Variants in CIT observed in about 807,000 individuals in gnomAD.
CIT encodes citron rho-interacting serine/threonine kinase.
CIT carries 79 observed loss-of-function variants against 272.7 expected under a neutral mutation model. That is an observed-to-expected ratio of 0.29 (90% CI 0.24 to 0.35). CIT has a LOEUF of 0.35. CIT is among the 10% of genes least tolerant of loss of function. The probability of loss-of-function intolerance (pLI) is 1.00; values close to 1 mark genes in which losing one functional copy is unlikely to be tolerated. For synonymous variants in CIT, 948 were observed against 995.6 expected (o/e 0.95, Z 0.90); for missense variants, 1,909 against 2,618.3 (o/e 0.73, Z 5.91).
intron 9 of CIT, among the ~76,000 whole-genome samples, chr12:119,822,261 A>G (rs1967785014): frequency 1.3e-5 from 2 of 152,260 alleles, no homozygotes; most frequent in Admixed American, 1.3e-4. Flanking sequence ...GTTTTTAATG[A>G]ATTCATTCAG....
Position 119,710,775 on chromosome 12 carries a change from G to C in CIT, c.4855-155C>G. ...ATGCTCTTAGCTCAGCCCGTATTTT[G>C]ATCTGAGCTCCAAATGCAAAATGCG... On this transcript the variant is annotated intron_variant, in intron 37 of 47. Coordinates refer to ENST00000392521, the MANE Select transcript of CIT (RefSeq NM_001206999.2). The surrounding 1 kb of genome is among the most constrained non-coding windows in gnomAD (Gnocchi z 5.6). The C allele has an allele frequency of 1.3e-6, 1 of 746,888 alleles. No individual in the cohort carries two copies. The highest frequency in any genetic ancestry group is 2.2e-6 in the Non-Finnish European group (1 of 452,780). The allele number at this position is 746,888 out of a possible 1,614,324, so 46.3% of individuals were successfully genotyped here.
intron 16 of CIT, among the ~76,000 whole-genome samples, chr12:119,773,881 C>A (rs1212070081): frequency 6.6e-6 from 1 of 152,146 alleles, no homozygotes; most frequent in African/African-American, 2.4e-5. Flanking sequence ...GCCATGAGAG[C>A]TTTCATTAGA....
intron 16 of CIT, 57 bp from the exon 17 acceptor site, chr12:119,772,967 G>A: frequency 1.3e-6 from 2 of 1,524,560 alleles, no homozygotes; most frequent in East Asian, 2.3e-5. Flanking sequence ...ATAAAAAGAT[G>A]GTGACAGTAT....
At chr12:119,711,649 CCCCATT>C (rs796239304) in intron 37 of CIT, among the ~76,000 whole-genome samples, 36 of 152,234 alleles carry the variant, frequency 2.4e-4, no homozygotes, top group African/African-American at 8.4e-4. Flanking sequence ...ATGCCGATTC[CCCCATT>C]CTTTTTCCTT....
chr12:119,836,747 G>A (rs150951980), intron 5 of CIT, among the ~76,000 whole-genome samples: 1 of 152,180 alleles, frequency 6.6e-6, no homozygotes, highest in African/African-American at 2.4e-5. Flanking sequence ...AAAGTCATAC[G>A]CATAGCAGAG....
At chr12:119,818,501 T>C (rs1967400659) in intron 9 of CIT, among the ~76,000 whole-genome samples, 1 of 152,094 alleles carries the variant, frequency 6.6e-6, no homozygotes, top group Non-Finnish European at 1.5e-5. Context: ...AGCTAGCAAA[T>C]AAGCAGCAAC....
chr12:119,784,642 T>C lies in CIT; in HGVS notation c.1401+318A>G, dbSNP rs1230336034. 9.7e-6 allele frequency: 12 copies of C among 1,242,120 alleles called. No homozygotes were observed. Among genetic ancestry groups the C allele is most frequent in the Non-Finnish European group, 1.1e-5 (11 of 987,004 alleles). The allele number at this position is 1,242,120 out of a possible 1,614,324, so 76.9% of individuals were successfully genotyped here. On this transcript the variant is annotated intron_variant, in intron 11 of 47. Transcript: ENST00000392521. This position sits in a 1 kb window ranked among gnomAD's most constrained non-coding sequence, Gnocchi z 4.7. ...GAGACTTCGCATCACTCAAAGCAGA[T>C]GGGATGTATCTCAGCCACAGGTGAG...
intron 5 of CIT, 21 bp downstream of exon 5, chr12:119,850,153 G>C: frequency 2.8e-6 from 4 of 1,427,308 alleles, no homozygotes; most frequent in Non-Finnish European, 4.0e-6. Context: ...TAATTCCAGA[G>C]AGACAGATGT....
At position 119,713,147 on chromosome 12, in the gene CIT, T is replaced by TG; in HGVS notation, c.4579+55dup. ...AAAAACAAAGCCTTCGCGCCAGCAC[T>TG]GGGGAGACCTGGGTTAGCCACGTGC... is the stretch of plus-strand genomic sequence containing the variant. On this transcript the variant is annotated intron_variant, in intron 35 of 47. Coordinates refer to ENST00000392521, the MANE Select transcript of CIT (RefSeq NM_001206999.2). The surrounding 1 kb of genome is among the most constrained non-coding windows in gnomAD (Gnocchi z 5.2). 2 of 1,344,282 alleles carry TG rather than the reference T, an allele frequency of 1.5e-6. No individual in the cohort carries two copies. The highest frequency in any genetic ancestry group is 2.1e-6 in the Non-Finnish European group (2 of 946,632). 83.3% of individuals were successfully genotyped at this position (1,344,282 alleles called of 1,614,324 possible).
chr12:119,855,909 TAG>T (rs1479497034), intron 4 of CIT, among the ~76,000 whole-genome samples: 11 of 152,148 alleles, frequency 7.2e-5, no homozygotes, highest in African/African-American at 2.7e-4. Flanking sequence ...CTCCAGGACC[TAG>T]AAACACACCA....
At chr12:119,746,508 A>G (rs1959432659) in intron 23 of CIT, among the ~76,000 whole-genome samples, 1 of 152,234 alleles carries the variant, frequency 6.6e-6, no homozygotes, top group East Asian at 1.9e-4. Flanking sequence ...CCTTCAAAGC[A>G]TAAGTGGTGA....
chr12:119,875,294 C>A (rs1172780288), intron 2 of CIT, among the ~76,000 whole-genome samples: 3 of 152,144 alleles, frequency 2.0e-5, no homozygotes, highest in Non-Finnish European at 4.4e-5. Context: ...CAGAGCAAGA[C>A]CCTGTCTTGC....
At chr12:119,689,498 G>C (rs2136901411) in intron 47 of CIT, among the ~76,000 whole-genome samples, 1 of 152,220 alleles carries the variant, frequency 6.6e-6, no homozygotes, top group Admixed American at 6.5e-5. Flanking sequence ...GTTTCAAAAG[G>C]AGAGCACACA....
At chr12:119,756,300 GC>G (rs1960975324) in intron 22 of CIT, among the ~76,000 whole-genome samples, 1 of 152,216 alleles carries the variant, frequency 6.6e-6, no homozygotes, top group Non-Finnish European at 1.5e-5. Context: ...GAACGAAGCA[GC>G]GAAAGCAGGG....
Position 119,690,312 on chromosome 12 carries a change from G to A in CIT, c.6025C>T (p.Arg2009Cys), listed in dbSNP as rs1486690726. 4.4e-6 allele frequency: 7 copies of A among 1,594,338 alleles called. No individual in the cohort carries two copies. The highest frequency in any genetic ancestry group is 2.2e-5 in the East Asian group (1 of 44,546). ...HRYREGRTEL[R>C]RDKSPGRPLE... ...GGGCGGCCAGGAGACTTGTCCCTGC[G>A]CAGCTCGGTCCGCCCCTCGCGGTAG... Residue 2009 changes from arginine to cysteine, a missense_variant, in exon 47 of 48, where the codon CGC (arginine) becomes TGC (cysteine). Physicochemically the swap from Arg to Cys is radical, Grantham distance 180. Transcript: ENST00000392521. This position sits in a 1 kb window ranked among gnomAD's most constrained non-coding sequence, Gnocchi z 6.0.
chr12:119,801,196 G>A (rs1593797926), intron 10 of CIT, among the ~76,000 whole-genome samples: 1 of 152,074 alleles, frequency 6.6e-6, no homozygotes, highest in East Asian at 1.9e-4. Flanking sequence ...TGTGCTCTAA[G>A]GATATAGTTT....
At chr12:119,790,409 T>C (rs1965207485) in intron 10 of CIT, among the ~76,000 whole-genome samples, 1 of 152,114 alleles carries the variant, frequency 6.6e-6, no homozygotes, top group Non-Finnish European at 1.5e-5. Context: ...GGCAATGGGG[T>C]GCAGAGTTGC....
At chr12:119,777,071 A>G (rs1963822865) in intron 13 of CIT, among the ~76,000 whole-genome samples, 1 of 152,058 alleles carries the variant, frequency 6.6e-6, no homozygotes, top group Admixed American at 6.5e-5. Context: ...CCTGGCCAAC[A>G]TGGTGAAACA....
At chr12:119,734,458 A>G in intron 25 of CIT, 101 bp from the exon 26 acceptor site, 6 of 1,238,064 alleles carry the variant, frequency 4.8e-6, no homozygotes, top group Non-Finnish European at 6.9e-6. Context: ...GTTTCTAACT[A>G]CAGTTTGAAA....
Sources: gnomAD v4.1 joint callset for allele counts (sites outside exome capture counted in the v4.1 genomes callset) on GRCh38, gnomAD v4.1.1 for gene constraint, Gnocchi (gnomAD v3.1) non-coding constraint, MANE v1.5 for transcripts, NCBI Gene and HGNC (gene_info 2026-07-23, HGNC 2026-07-21) for gene names.